EPHA6: variants seen among roughly 807,000 people sequenced by gnomAD.
The protein encoded by EPHA6 is EPH receptor A6, also known as ephrin type-A receptor 6.
EPHA6 carries 50 observed loss-of-function variants against 112.0 expected under a neutral mutation model. That is an observed-to-expected ratio of 0.45 (90% CI 0.36 to 0.56). EPHA6 has a LOEUF of 0.56. EPHA6 is among the 20% of genes least tolerant of loss of function. The pLI is 0.00. For synonymous variants in EPHA6, 529 were observed against 490.7 expected, an observed-to-expected ratio of 1.08 and a Z score of -1.03; for missense variants, 1,280 against 1,417.4, an observed-to-expected ratio of 0.90 and a Z score of 1.56.
chr3:97,371,808 G>A (rs1167686942), intron 5 of EPHA6, among the ~76,000 whole-genome samples: 1 of 152,088 alleles, frequency 6.6e-6, no homozygotes, highest in Non-Finnish European at 1.5e-5. Flanking sequence ...CCTAGGGGTA[G>A]GCCTCTAAAG....
chr3:97,687,337 A>G (rs917928801), intron 14 of EPHA6, among the ~76,000 whole-genome samples: 6 of 152,194 alleles, frequency 3.9e-5, no homozygotes, highest in Admixed American at 6.6e-5. Flanking sequence ...AGTTTTTTCT[A>G]TAGAAGTACA....
chr3:97,343,590 A>T (rs1240936068), intron 5 of EPHA6, among the ~76,000 whole-genome samples: 9 of 152,190 alleles, frequency 5.9e-5, no homozygotes, highest in Non-Finnish European at 2.9e-5. Context: ...GGTGTGACCC[A>T]TAGACTTAAT....
intron 7 of EPHA6, among the ~76,000 whole-genome samples, chr3:97,472,220 T>C (rs1443400607): frequency 1.3e-5 from 2 of 151,670 alleles, no homozygotes; most frequent in East Asian, 3.9e-4. Flanking sequence ...CCTGCTCTCA[T>C]TGAATTTGAA....
chr3:97,560,026 A>C (rs754332987), intron 11 of EPHA6, among the ~76,000 whole-genome samples: 1 of 151,858 alleles, frequency 6.6e-6, no homozygotes, highest in Admixed American at 6.6e-5. Context: ...ACAGGTTGCC[A>C]TTAAAAAGAA....
intron 5 of EPHA6, among the ~76,000 whole-genome samples, chr3:97,292,564 A>G (rs1490209235): frequency 1.3e-5 from 2 of 152,180 alleles, no homozygotes; most frequent in African/African-American, 4.8e-5. Context: ...GAGACCCGTG[A>G]TGGATAGGTG....
chr3:97,175,481 G>A (rs2076811681), intron 3 of EPHA6, among the ~76,000 whole-genome samples: 1 of 151,844 alleles, frequency 6.6e-6, no homozygotes, highest in Non-Finnish European at 1.5e-5. Flanking sequence ...ATTGTTTTGT[G>A]TAGTATGGAC....
At chr3:97,044,092 A>T (rs1460351448) in intron 3 of EPHA6, among the ~76,000 whole-genome samples, 2 of 152,238 alleles carry the variant, frequency 1.3e-5, no homozygotes, top group Admixed American at 6.5e-5. Context: ...ATACATGTAC[A>T]GATGATGCTT....
At chr3:97,080,102 G>A (rs576678497) in intron 3 of EPHA6, among the ~76,000 whole-genome samples, 61 of 152,166 alleles carry the variant, frequency 4.0e-4, no homozygotes, top group African/African-American at 1.4e-3. Context: ...TATCTCCATG[G>A]TGTGCCTGTA....
chr3:97,365,502 T>C (rs925273496), intron 5 of EPHA6, among the ~76,000 whole-genome samples: 10 of 152,158 alleles, frequency 6.6e-5, no homozygotes, highest in South Asian at 6.2e-4. Flanking sequence ...GGGATTCTCC[T>C]ACCTCAGCCT....
chr3:97,115,575 A>G lies in EPHA6; in HGVS notation c.1115-110689A>G, dbSNP rs114421705. Among the ~76,000 whole-genome samples the G allele has an allele frequency of 6.3e-3, 955 of 151,990 alleles. 7 individuals are homozygous for G. Among genetic ancestry groups the G allele is most frequent in the African/African-American group, 0.022 (913 of 41,528 alleles). ...AAATTTGTATCTGTAACTCAGCATCATAAATATGGAGGCTTCAGCTCCAAT... is the reference window on the plus strand; with the variant it reads ...AAATTTGTATCTGTAACTCAGCATCGTAAATATGGAGGCTTCAGCTCCAAT... On this transcript the variant is annotated intron_variant, in intron 3 of 17. Transcript: ENST00000389672.
At chr3:97,017,925 A>G (rs1375379956) in intron 3 of EPHA6, among the ~76,000 whole-genome samples, 2 of 148,352 alleles carry the variant, frequency 1.3e-5, no homozygotes, top group Admixed American at 6.7e-5. Context: ...TAACTCTTAG[A>G]TTTATTCTTC....
intron 11 of EPHA6, among the ~76,000 whole-genome samples, chr3:97,539,014 T>TCTTTCTTTCTTTCTTTCTTTCTTG (rs1363482918): frequency 1.3e-5 from 2 of 151,002 alleles, no homozygotes; most frequent in Non-Finnish European, 2.9e-5. Context: ...TTTCTTTCTT[T>TCTTTCTTTCTTTCTTTCTTTCTTG]CTTTCTTTCT....
intron 2 of EPHA6, among the ~76,000 whole-genome samples, chr3:96,940,738 G>A (rs910636985): frequency 5.9e-5 from 9 of 151,558 alleles, no homozygotes; most frequent in Admixed American, 3.3e-4. Context: ...GGCTGGTACC[G>A]GTTGTTCCTT....
intron 2 of EPHA6, among the ~76,000 whole-genome samples, chr3:96,977,571 C>T (rs1272754367): frequency 1.3e-5 from 2 of 152,046 alleles, no homozygotes; most frequent in Non-Finnish European, 2.9e-5. Context: ...ATGTGAGCTG[C>T]CATACTCATA....
intron 2 of EPHA6, among the ~76,000 whole-genome samples, chr3:96,908,459 C>T (rs1443169503): frequency 1.3e-5 from 2 of 151,864 alleles, no homozygotes. Context: ...TCTTTATAAG[C>T]TTGAATTTTA....
chr3:97,160,823 T>G (rs2076396853), intron 3 of EPHA6, among the ~76,000 whole-genome samples: 1 of 152,168 alleles, frequency 6.6e-6, no homozygotes, highest in Non-Finnish European at 1.5e-5. Context: ...TCACCAGTGT[T>G]TCAGGGCTGT....
chr3:97,012,161 A>T (rs572158488), intron 3 of EPHA6, among the ~76,000 whole-genome samples: 10 of 152,268 alleles, frequency 6.6e-5, no homozygotes, highest in African/African-American at 2.2e-4. Context: ...ATTTAAAAAT[A>T]TATATGTACC....
At chr3:97,348,859 C>T (rs888092657) in intron 5 of EPHA6, among the ~76,000 whole-genome samples, 4 of 151,896 alleles carry the variant, frequency 2.6e-5, no homozygotes, top group African/African-American at 9.7e-5. Flanking sequence ...GAGTAGTAAT[C>T]ATGGAAGTGA....
rs200236239 is a variant in EPHA6, at chr3:97,688,723, TA to T, written c.2785-31527del. ...ATGTACCCTAGAACTTAAAGTATAA[TA>T]AAAAAAAAAAGAACTAGAAAAAAAA... On this transcript the variant is annotated intron_variant, in intron 14 of 17. Coordinates refer to ENST00000389672, the MANE Select transcript of EPHA6 (RefSeq NM_001080448.3). Among the ~76,000 whole-genome samples, 379 of 141,304 alleles carry T rather than the reference TA, an allele frequency of 2.7e-3. 4 individuals are homozygous for T. Among genetic ancestry groups the T allele is most frequent in the Admixed American group, 0.014 (194 of 14,156 alleles). The allele number at this position is 141,304 out of a possible 152,430, so 92.7% of individuals were successfully genotyped here. A position where few individuals can be genotyped will look rare whatever the true frequency, so the allele number is the denominator to read the frequency against.
Sources: allele counts gnomAD v4.1 joint callset (sites outside exome capture counted in the v4.1 genomes callset), GRCh38; gene constraint gnomAD v4.1.1; transcripts MANE v1.5; gene names NCBI Gene and HGNC (gene_info 2026-07-23, HGNC 2026-07-21).